BMP6: variants seen among roughly 807,000 people sequenced by gnomAD.
BMP6 encodes the protein bone morphogenetic protein 6.
BMP6 carries 17 observed loss-of-function variants against 54.1 expected under a neutral mutation model. That is an observed-to-expected ratio of 0.31 (90% CI 0.22 to 0.47). BMP6 has a LOEUF of 0.47. BMP6 is among the 20% of genes least tolerant of loss of function. BMP6 has a pLI of 1.00. For synonymous variants in BMP6, 328 were observed against 291.2 expected (o/e 1.13, Z -1.28); for missense variants, 720 against 690.4 (o/e 1.04, Z -0.48).
At chr6:7,795,812 G>A (rs754089621) in intron 1 of BMP6, among the ~76,000 whole-genome samples, 8 of 152,106 alleles carry the variant, frequency 5.3e-5, no homozygotes, top group Admixed American at 5.2e-4. Flanking sequence ...GAGAGCAATG[G>A]TAGGGAATGA....
rs182543709 is a variant in BMP6, at chr6:7,834,277, C to A, written c.665-10863C>A. 2.8e-5 allele frequency among the ~76,000 whole-genome samples: 4 copies of A among 143,452 alleles called. No homozygotes were observed. In the East Asian group the frequency reaches 8.4e-4, roughly 30 times the overall value. 94.1% of individuals were successfully genotyped at this position (143,452 alleles called of 152,430 possible). A position where few individuals can be genotyped will look rare whatever the true frequency, so the allele number is the denominator to read the frequency against. On this transcript the variant is annotated intron_variant, in intron 1 of 6. Coordinates refer to ENST00000283147, the MANE Select transcript of BMP6 (RefSeq NM_001718.6). ...TAAAAACTACCAAAAAATCAAAAAT[C>A]TTCAAACACACAAGGAAATACACCA...
At chr6:7,809,126 A>G (rs1036121408) in intron 1 of BMP6, among the ~76,000 whole-genome samples, 1 of 148,262 alleles carries the variant, frequency 6.7e-6, no homozygotes, top group Non-Finnish European at 1.5e-5. Flanking sequence ...CCAAAAAAAA[A>G]ACGCTTTTTA....
Position 7,880,528 on chromosome 6 carries a change from C to T in BMP6, c.*185C>T, listed in dbSNP as rs1046886026. On this transcript the variant is annotated 3_prime_UTR_variant, in exon 7 of 7. Transcript: ENST00000283147. The stretch of plus-strand genomic sequence containing the variant: ...AATAATTTGCTCACTTGGTAAATGA[C>T]GTGAGTAGTTGTTGGTCTGTAGCAA... The T allele has an allele frequency of 9.7e-5, 75 of 775,868 alleles. No individual in the cohort carries two copies. The highest frequency in any genetic ancestry group is 8.2e-4 in the South Asian group (45 of 54,678). 48.1% of individuals were successfully genotyped at this position (775,868 alleles called of 1,614,324 possible).
At chr6:7,747,010 GAC>G (rs1426212392) in intron 1 of BMP6, among the ~76,000 whole-genome samples, 2 of 152,186 alleles carry the variant, frequency 1.3e-5, no homozygotes, top group Non-Finnish European at 2.9e-5. Flanking sequence ...TCAAACCGGT[GAC>G]ACACTCTCCT....
chr6:7,740,458 A>C (rs549498022), intron 1 of BMP6, among the ~76,000 whole-genome samples: 7 of 152,284 alleles, frequency 4.6e-5, no homozygotes, highest in Admixed American at 4.6e-4. Flanking sequence ...ATGGAAAAAA[A>C]CCCAAAATAT....
At chr6:7,820,646 T>A (rs1758592112) in intron 1 of BMP6, among the ~76,000 whole-genome samples, 1 of 152,114 alleles carries the variant, frequency 6.6e-6, no homozygotes, top group African/African-American at 2.4e-5. Context: ...CCGAGGCAGG[T>A]GAGCATGCCC....
In BMP6 at chr6:7,726,316, G is replaced by T. The variant is rs1182848112; in HGVS notation, c.-640G>T. ...CGTGCGGCGCGCGGAGATTTTGAGT[G>T]GGAGCGACGGTGCCCGAGAGCTCAG... On this transcript the variant is annotated 5_prime_UTR_variant, in exon 1 of 7. Transcript: ENST00000283147. Among the ~76,000 whole-genome samples, 1 of 152,216 alleles carries T rather than the reference G, an allele frequency of 6.6e-6. No individual in the cohort carries two copies. The highest frequency in any genetic ancestry group is 1.5e-5 in the Non-Finnish European group (1 of 68,038).
chr6:7,796,541 T>C (rs1319240921), intron 1 of BMP6, among the ~76,000 whole-genome samples: 1 of 152,256 alleles, frequency 6.6e-6, no homozygotes, highest in East Asian at 1.9e-4. Context: ...ATATTTTAAC[T>C]AATTTTTCCT....
intron 1 of BMP6, among the ~76,000 whole-genome samples, chr6:7,756,195 TG>T (rs1757512211): frequency 6.6e-6 from 1 of 152,168 alleles, no homozygotes; most frequent in African/African-American, 2.4e-5. Flanking sequence ...TTCAGTGTTT[TG>T]TTTTGTTTTG....
intron 1 of BMP6, among the ~76,000 whole-genome samples, chr6:7,784,743 T>G (rs1757997471): frequency 6.6e-6 from 1 of 152,100 alleles, no homozygotes; most frequent in Non-Finnish European, 1.5e-5. Flanking sequence ...TACTTTGAAG[T>G]GGTCTGTTTT....
intron 4 of BMP6, among the ~76,000 whole-genome samples, chr6:7,874,000 T>A (rs1225929): frequency 0.53 from 80,632 of 151,702 alleles, 23,861 homozygotes; most frequent in African/African-American, 0.78. Context: ...GACTGTAAGT[T>A]GTGTGATCAT....
chr6:7,790,513 TCAAAAAAAAAAAAAA>T (rs1561772784), intron 1 of BMP6, among the ~76,000 whole-genome samples: 1 of 25,162 alleles, frequency 4.0e-5, no homozygotes. Context: ...AGACCCTGTC[TCAAAAAAAAAAAAAA>T]AAAAAAAAAA....
intron 2 of BMP6, among the ~76,000 whole-genome samples, chr6:7,859,718 G>A (rs909380325): frequency 1.2e-4 from 19 of 152,100 alleles, no homozygotes; most frequent in African/African-American, 4.3e-4. Context: ...TTACCTCAGT[G>A]ATGGGGGGTA....
At chr6:7,741,789 A>G (rs1300076463) in intron 1 of BMP6, among the ~76,000 whole-genome samples, 54 of 152,266 alleles carry the variant, frequency 3.5e-4, no homozygotes, top group Admixed American at 3.5e-3. Flanking sequence ...TGAGGCTTCA[A>G]CGAAGGAGTT....
chr6:7,874,859 T>C (rs1280484537), intron 4 of BMP6, among the ~76,000 whole-genome samples: 1 of 152,140 alleles, frequency 6.6e-6, no homozygotes, highest in Non-Finnish European at 1.5e-5. Context: ...TATTGAATAA[T>C]AATTTAGCTA....
At chr6:7,797,339 C>T (rs544590207) in intron 1 of BMP6, among the ~76,000 whole-genome samples, 1 of 152,144 alleles carries the variant, frequency 6.6e-6, no homozygotes, top group Admixed American at 6.5e-5. Flanking sequence ...TTACACATCC[C>T]GAGTAATGAA....
At chr6:7,731,601 G>A (rs374091322) in intron 1 of BMP6, among the ~76,000 whole-genome samples, 16 of 152,216 alleles carry the variant, frequency 1.1e-4, no homozygotes, top group African/African-American at 3.6e-4. Flanking sequence ...TGAAAAGGCT[G>A]AATTAGTGAA....
intron 1 of BMP6, among the ~76,000 whole-genome samples, chr6:7,839,979 A>G (rs1461851355): frequency 3.3e-5 from 5 of 152,234 alleles, no homozygotes; most frequent in Admixed American, 2.0e-4. Context: ...GAAAATGCCC[A>G]TACTTTTAAT....
At chr6:7,844,264 C>T (rs527819007) in intron 1 of BMP6, among the ~76,000 whole-genome samples, 4 of 152,210 alleles carry the variant, frequency 2.6e-5, no homozygotes, top group Admixed American at 6.5e-5. Flanking sequence ...GCACATACCA[C>T]GTTTTCTTCA....
Sources: allele counts gnomAD v4.1 joint callset (sites outside exome capture counted in the v4.1 genomes callset), GRCh38; gene constraint gnomAD v4.1.1; transcripts MANE v1.5; gene names NCBI Gene and HGNC (gene_info 2026-07-23, HGNC 2026-07-21).